ZNG1F: variants seen among roughly 807,000 people sequenced by gnomAD.
ZNG1F encodes Zn regulated GTPase metalloprotein activator 1F.
chr9:41,146,139 TTAAA>T, the ZNG1F span: 1 of 146,574 alleles, frequency 6.8e-6, no homozygotes, highest in Non-Finnish European at 1.5e-5. Flanking sequence ...GAATGTCAAA[TTAAA>T]TCCTTCCCAG....
the ZNG1F span, among the ~76,000 whole-genome samples, chr9:41,203,394 T>G: frequency 6.6e-6 from 1 of 151,982 alleles, no homozygotes. Flanking sequence ...TAATAACATT[T>G]ATACAGTTGT....
chr9:41,185,229 CAT>C, the ZNG1F span, among the ~76,000 whole-genome samples: 1 of 136,960 alleles, frequency 7.3e-6, no homozygotes, highest in African/African-American at 2.7e-5. Context: ...GGATAAAGAC[CAT>C]ATGTTTACTT....
At chr9:41,166,344 G>C in the ZNG1F span, among the ~76,000 whole-genome samples, 3 of 120,214 alleles carry the variant, frequency 2.5e-5, no homozygotes, top group Admixed American at 1.8e-4. Flanking sequence ...CAGGAGAATC[G>C]CTTGAACCTG....
At chr9:41,152,613 CT>C in the ZNG1F span, among the ~76,000 whole-genome samples, 14 of 145,532 alleles carry the variant, frequency 9.6e-5, no homozygotes, top group Non-Finnish European at 3.0e-5. Flanking sequence ...TAAAGCTCTC[CT>C]CAGCAAATGT....
the ZNG1F span, among the ~76,000 whole-genome samples, chr9:41,141,097 C>T: frequency 2.1e-3 from 316 of 150,666 alleles, 3 homozygotes; most frequent in Non-Finnish European, 4.1e-3. Flanking sequence ...TTAAGGGGTA[C>T]AATAAACTCC....
the ZNG1F span, among the ~76,000 whole-genome samples, chr9:41,204,388 TTA>T: frequency 0.015 from 304 of 20,178 alleles, 7 homozygotes; most frequent in Middle Eastern, 0.038. Context: ...AATTTTTATT[TTA>T]TATATATATA....
the ZNG1F span, chr9:41,133,619 CAACTATGTAACAA>C: frequency 4.6e-6 from 7 of 1,534,108 alleles, no homozygotes; most frequent in South Asian, 7.9e-5. Flanking sequence ...CTAATAGCAA[CAACTATGTAACAA>C]AACCATTGAT....
At chr9:41,134,321 C>G in the ZNG1F span, among the ~76,000 whole-genome samples, 8 of 95,496 alleles carry the variant, frequency 8.4e-5, no homozygotes, top group Admixed American at 1.0e-3. Flanking sequence ...TAAGCATGTG[C>G]CAAGAGGAGA....
the ZNG1F span, among the ~76,000 whole-genome samples, chr9:41,187,433 G>T: frequency 1.5e-5 from 2 of 132,368 alleles, no homozygotes. Flanking sequence ...CACCTTTGAA[G>T]TAACCTTAGT....
chr9:41,139,708 A>T, the ZNG1F span, among the ~76,000 whole-genome samples: 1 of 151,826 alleles, frequency 6.6e-6, no homozygotes, highest in Non-Finnish European at 1.5e-5. Context: ...CAAGACACTA[A>T]CAACCACCTA....
chr9:41,132,158 G>C, the ZNG1F span: 16 of 1,555,672 alleles, frequency 1.0e-5, no homozygotes, highest in South Asian at 1.8e-4. Context: ...ATCTGTTTAA[G>C]TGGCACATGA....
the ZNG1F span, among the ~76,000 whole-genome samples, chr9:41,185,071 T>G: frequency 9.6e-3 from 1,368 of 142,712 alleles, 39 homozygotes; most frequent in African/African-American, 0.031. Flanking sequence ...TGGCTAGAAG[T>G]GAGCTTTGAT....
the ZNG1F span, chr9:41,159,028 A>C: frequency 6.8e-6 from 1 of 147,916 alleles, no homozygotes; most frequent in Non-Finnish European, 1.5e-5. Context: ...TTTTTCTTAA[A>C]AGAGAGGCTT....
the ZNG1F span, among the ~76,000 whole-genome samples, chr9:41,180,930 C>T: frequency 3.4e-5 from 5 of 147,876 alleles, no homozygotes; most frequent in Admixed American, 1.4e-4. Context: ...ATCCACCTGC[C>T]TCAGCCTCCC....
chr9:41,150,283 A>T, the ZNG1F span, among the ~76,000 whole-genome samples: 1 of 150,082 alleles, frequency 6.7e-6, no homozygotes, highest in Non-Finnish European at 1.5e-5. Flanking sequence ...AAAACCGCGC[A>T]CCAGGAGATT....
the ZNG1F span, chr9:41,164,925 G>C: frequency 2.8e-6 from 4 of 1,434,650 alleles, no homozygotes; most frequent in Non-Finnish European, 3.8e-6. Flanking sequence ...AGTTTCTACA[G>C]GGCAACAATC....
At chr9:41,202,687 T>C in the ZNG1F span, among the ~76,000 whole-genome samples, 1 of 93,458 alleles carries the variant, frequency 1.1e-5, no homozygotes, top group Non-Finnish European at 2.3e-5. Flanking sequence ...TAACTCATTT[T>C]GAAACAATTT....
the ZNG1F span, among the ~76,000 whole-genome samples, chr9:41,175,112 AG>A: frequency 1.4e-5 from 2 of 147,670 alleles, no homozygotes; most frequent in African/African-American, 5.1e-5. Context: ...GAATAAGTGT[AG>A]GAGAAAAACA....
At chr9:41,137,353 A>T in the ZNG1F span, among the ~76,000 whole-genome samples, 1 of 143,340 alleles carries the variant, frequency 7.0e-6, no homozygotes, top group Non-Finnish European at 1.5e-5. Flanking sequence ...TATAATTTTA[A>T]TTTTCTTAAA....
Sources: allele counts gnomAD v4.1 joint callset (sites outside exome capture counted in the v4.1 genomes callset), GRCh38; gene constraint gnomAD v4.1.1; transcripts MANE v1.5; gene names NCBI Gene and HGNC (gene_info 2026-07-23, HGNC 2026-07-21).